The following CNTFR variants were observed in gnomAD, a reference collection of about 807,000 sequenced individuals.
CNTFR encodes the protein ciliary neurotrophic factor receptor.
CNTFR carries 12 observed loss-of-function variants against 40.4 expected under a neutral mutation model. The ratio of observed to expected loss-of-function variants is 0.30; its 90% confidence interval spans 0.19 to 0.48. The LOEUF is 0.48. Ranked by LOEUF, CNTFR falls within the 20% of genes least tolerant of loss-of-function variation. CNTFR has a pLI of 0.99. For synonymous variants in CNTFR, 202 were observed against 209.6 expected (o/e 0.96, Z 0.31); for missense variants, 414 against 506.8 (o/e 0.82, Z 1.76).
upstream of CNTFR, among the ~76,000 whole-genome samples, chr9:34,590,756 T>C (rs1827742858): frequency 1.3e-5 from 2 of 152,330 alleles, no homozygotes; most frequent in South Asian, 2.1e-4. Flanking sequence ...GGGTGTTCAC[T>C]GCACTCGTCC....
chr9:34,577,422 T>A (rs1827032810), intron 2 of CNTFR, among the ~76,000 whole-genome samples: 1 of 151,618 alleles, frequency 6.6e-6, no homozygotes, highest in Non-Finnish European at 1.5e-5. Flanking sequence ...GGCAGCAGGG[T>A]GTAAGGAAAC....
chr9:34,577,726 C>G (rs1217863805), intron 2 of CNTFR, among the ~76,000 whole-genome samples: 1 of 152,214 alleles, frequency 6.6e-6, no homozygotes, highest in East Asian at 1.9e-4. Context: ...CTCTCAGAGG[C>G]CTGGTCCGAT....
intron 2 of CNTFR, among the ~76,000 whole-genome samples, chr9:34,575,625 T>G (rs1826913715): frequency 6.6e-6 from 1 of 151,656 alleles, no homozygotes; most frequent in Non-Finnish European, 1.5e-5. Flanking sequence ...AGACACACCC[T>G]TGAATCCATA....
intron 7 of CNTFR, among the ~76,000 whole-genome samples, chr9:34,556,012 G>C (rs1048796370): frequency 7.2e-6 from 1 of 139,086 alleles, no homozygotes; most frequent in Admixed American, 7.4e-5. Flanking sequence ...TTCTCTCCAC[G>C]ACCCCAGGGA....
intron 2 of CNTFR, among the ~76,000 whole-genome samples, chr9:34,572,346 A>G (rs540551409): frequency 6.6e-6 from 1 of 152,218 alleles, no homozygotes; most frequent in South Asian, 2.1e-4. Context: ...GGCAAAGAGC[A>G]TCTTTCCTGG....
chr9:34,552,249 C>A lies in CNTFR; in HGVS notation c.1030G>T (p.Gly344Trp). 2 of 1,555,270 alleles carry A rather than the reference C, an allele frequency of 1.3e-6. No individual in the cohort carries two copies. The highest frequency in any genetic ancestry group is 1.7e-6 in the Non-Finnish European group (2 of 1,150,922). ...ICDPGELGSG[G>W]GPSAPFLVSV... ...ACCAAGAAGGGTGCCGAGGGTCCCC[C>A]GCCGCTGCCCAGCTCCCCAGGGTCA... Residue 344 changes from glycine (G) to tryptophan (W), a missense_variant, in exon 9 of 10, where the codon GGG becomes TGG. Gly to Trp is a radical substitution (Grantham distance 184). Transcript: ENST00000378980. This position sits in a 1 kb window ranked among gnomAD's most constrained non-coding sequence, Gnocchi z 5.1.
rs1234203324 is a variant in CNTFR, at chr9:34,552,245, C to T, written c.1034G>A (p.Gly345Glu). The change falls in exon 9 of 10, where the codon GGA becomes GAA. Residue 345 changes from glycine (G) to glutamate (E), a missense_variant. Physicochemically the swap from Gly to Glu is moderately conservative, Grantham distance 98. This residue lies in a region of CNTFR where 81 missense variants were observed against 92.2 expected (regional missense o/e 0.88). Coordinates refer to ENST00000378980, the MANE Select transcript of CNTFR (RefSeq NM_147164.3). The surrounding 1 kb of genome is among the most constrained non-coding windows in gnomAD (Gnocchi z 5.1). ...GCTGACCAAGAAGGGTGCCGAGGGTCCCCCGCCGCTGCCCAGCTCCCCAGG... is the reference window on the plus strand; with the variant it reads ...GCTGACCAAGAAGGGTGCCGAGGGTTCCCCGCCGCTGCCCAGCTCCCCAGG... ...CDPGELGSGGGPSAPFLVSVP... is the reference protein window; with the variant it reads ...CDPGELGSGGEPSAPFLVSVP... 4 of 1,555,104 alleles carry T rather than the reference C, an allele frequency of 2.6e-6. No individual in the cohort carries two copies. The highest frequency in any genetic ancestry group is 1.9e-5 in the Admixed American group (1 of 51,788).
At position 34,564,641 on chromosome 9, in the gene CNTFR, C is replaced by CA. The variant is rs746980186; in HGVS notation, c.276dup (p.Asp93Ter). On this transcript the variant is annotated frameshift_variant, in exon 4 of 10. Coordinates refer to ENST00000378980, the MANE Select transcript of CNTFR (RefSeq NM_147164.3). LOFTEE classifies it high-confidence loss of function. ...ACTTGGTGGCGCAGGTGCCAGGAGT[C>CA]ACGGTGGAAGCAGGCGTAGAGGCCA... 1 of 1,613,176 alleles carries CA rather than the reference C, an allele frequency of 6.2e-7. No individual in the cohort carries two copies.
chr9:34,569,061 G>A, intron 2 of CNTFR, 80 bp from the exon 3 acceptor site: 1 of 1,340,444 alleles, frequency 7.5e-7, no homozygotes, highest in Non-Finnish European at 1.0e-6. Context: ...CCTGTTCTCA[G>A]GCAAGACTGG....
rs187537015 is a variant in CNTFR at position 34,568,625 on chromosome 9, G to C, written c.85+272C>G. Among the ~76,000 whole-genome samples the C allele has an allele frequency of 2.2e-4, 34 of 151,842 alleles. No homozygotes were observed. The South Asian group carries it at 6.9e-3, about 31-fold the overall frequency. On this transcript the variant is annotated intron_variant, in intron 3 of 9. Coordinates refer to ENST00000378980, the MANE Select transcript of CNTFR (RefSeq NM_147164.3). ...TACAGGTCCCGCCCCAGCCTCCCCCGTCAACTCCCATCCCACCTGCCTGTA... is the reference window on the plus strand; with the variant it reads ...TACAGGTCCCGCCCCAGCCTCCCCCCTCAACTCCCATCCCACCTGCCTGTA...
At chr9:34,573,335 G>T (rs1826775534) in intron 2 of CNTFR, among the ~76,000 whole-genome samples, 1 of 152,188 alleles carries the variant, frequency 6.6e-6, no homozygotes, top group Non-Finnish European at 1.5e-5. Context: ...ACCACTAACT[G>T]CGTCTCAGCT....
At chr9:34,584,398 G>A (rs909999400) in intron 1 of CNTFR, among the ~76,000 whole-genome samples, 5 of 152,194 alleles carry the variant, frequency 3.3e-5, no homozygotes, top group Non-Finnish European at 7.3e-5. Context: ...CTTTCCTGGC[G>A]TTGGATGTGT....
At chr9:34,585,146 G>T (rs1483282519) in intron 1 of CNTFR, among the ~76,000 whole-genome samples, 1 of 152,228 alleles carries the variant, frequency 6.6e-6, no homozygotes, top group East Asian at 1.9e-4. Flanking sequence ...ATGTATTACT[G>T]TTCACACAAG....
rs1564063558 is a variant in CNTFR, at chr9:34,564,645, G to C, written c.273C>G (p.His91Gln). Reference protein sequence around the residue: ...LGHSGLYACFHRDSWHLRHQV... With the variant: ...LGHSGLYACFQRDSWHLRHQV... ...GGTGGCGCAGGTGCCAGGAGTCACG[G>C]TGGAAGCAGGCGTAGAGGCCACTGT... The change falls in exon 4 of 10, where the codon CAC (histidine) becomes CAG (glutamine). Residue 91 changes from histidine to glutamine, a missense_variant. Around this residue, in one of 3 missense-constraint regions of CNTFR, gnomAD observed 250 missense variants for 269.5 expected, o/e 0.93. Coordinates refer to ENST00000378980, the MANE Select transcript of CNTFR (RefSeq NM_147164.3). The C allele has an allele frequency of 6.2e-7, 1 of 1,613,520 alleles. No individual in the cohort carries two copies. The highest frequency in any genetic ancestry group is 8.5e-7 in the Non-Finnish European group (1 of 1,179,786).
intron 1 of CNTFR, among the ~76,000 whole-genome samples, chr9:34,586,368 G>A (rs1250485982): frequency 1.3e-5 from 2 of 152,144 alleles, no homozygotes; most frequent in Non-Finnish European, 2.9e-5. Flanking sequence ...AGAAGAGAGG[G>A]TGGGATCCCG....
chr9:34,579,830 G>T (rs771843777), intron 2 of CNTFR, among the ~76,000 whole-genome samples: 45 of 152,090 alleles, frequency 3.0e-4, no homozygotes, highest in South Asian at 1.7e-3. Context: ...GGTGCTGGAG[G>T]TGCTGCTGGG....
Position 34,551,656 on chromosome 9 carries a change from G to GC in CNTFR, c.*414dup, listed in dbSNP as rs1013031217. The GC allele has an allele frequency of 5.3e-5, 18 of 339,524 alleles. No individual in the cohort carries two copies. The highest frequency in any genetic ancestry group is 2.7e-4 in the South Asian group (10 of 36,768). The allele number at this position is 339,524 out of a possible 1,614,324, so 21.0% of individuals were successfully genotyped here. A position where few individuals can be genotyped will look rare whatever the true frequency, so the allele number is the denominator to read the frequency against. ...GTGCTGGGGGGAGGGGGATGGCTGGGCCCCCCCAGCATCAGGAGCTTATAA... is the reference window on the plus strand; with the variant it reads ...GTGCTGGGGGGAGGGGGATGGCTGGGCCCCCCCCAGCATCAGGAGCTTATAA... On this transcript the variant is annotated 3_prime_UTR_variant, in exon 10 of 10. Coordinates refer to ENST00000378980, the MANE Select transcript of CNTFR (RefSeq NM_147164.3).
chr9:34,561,042 G>T (rs1437354591), intron 4 of CNTFR, among the ~76,000 whole-genome samples: 2 of 152,140 alleles, frequency 1.3e-5, no homozygotes, highest in Admixed American at 1.3e-4. Flanking sequence ...GTGGGGCAGG[G>T]TGACCCTTCC....
rs1001092734 is a variant in CNTFR at position 34,574,670 on chromosome 9, G to C, written c.1-5689C>G. 5.3e-5 allele frequency among the ~76,000 whole-genome samples: 8 copies of C among 152,368 alleles called. No homozygotes were observed. The Middle Eastern group carries it at 0.01, about 194-fold the overall frequency. On this transcript the variant is annotated intron_variant, in intron 2 of 9. Coordinates refer to ENST00000378980, the MANE Select transcript of CNTFR (RefSeq NM_147164.3). ...GCGGCCCAATTGAGTGAGTTGGGGG[G>C]GTTGGTATCCGCACCTGCTGTTGTG...
Sources: gnomAD v4.1 joint callset for allele counts (sites outside exome capture counted in the v4.1 genomes callset) on GRCh38, gnomAD v4.1.1 for gene constraint, gnomAD v4.1.1 regional missense constraint, Gnocchi (gnomAD v3.1) non-coding constraint, MANE v1.5 for transcripts, NCBI Gene and HGNC (gene_info 2026-07-23, HGNC 2026-07-21) for gene names.